Variants in SLC71A1 observed in about 807,000 individuals in gnomAD.
The protein encoded by SLC71A1 is solute carrier family 71 member 1, also known as hippocampus abundant gene transcript 1.
chr1:100,061,688 TATTTATGGAATA>T, the SLC71A1 span: 4 of 623,550 alleles, frequency 6.4e-6, no homozygotes, highest in Non-Finnish European at 1.1e-5. Context: ...CTGTGGCTTA[TATTTATGGAATA>T]GTTAATCCAT....
the SLC71A1 span, among the ~76,000 whole-genome samples, chr1:100,056,157 A>G: frequency 1.3e-5 from 2 of 152,096 alleles, no homozygotes; most frequent in Non-Finnish European, 2.9e-5. Flanking sequence ...CCCACTAACC[A>G]TCCTCTCTCC....
the SLC71A1 span, among the ~76,000 whole-genome samples, chr1:100,066,456 C>T: frequency 6.6e-6 from 1 of 152,210 alleles, no homozygotes; most frequent in African/African-American, 2.4e-5. Flanking sequence ...CCACAGGCTG[C>T]ACACATGGCC....
chr1:100,066,806 G>A, the SLC71A1 span, among the ~76,000 whole-genome samples: 6,773 of 151,910 alleles, frequency 0.045, 172 homozygotes, highest in African/African-American at 0.06. Flanking sequence ...TGGCTAACAC[G>A]GTGAAACCCC....
At chr1:100,077,412 TAA>T in the SLC71A1 span, 11 of 587,400 alleles carry the variant, frequency 1.9e-5, no homozygotes, top group East Asian at 3.5e-4. Flanking sequence ...GTGTCTAATA[TAA>T]GTCTGCCACT....
At chr1:100,061,436 T>G in the SLC71A1 span, among the ~76,000 whole-genome samples, 1 of 152,200 alleles carries the variant, frequency 6.6e-6, no homozygotes, top group East Asian at 1.9e-4. Flanking sequence ...ATGAAGAAAC[T>G]TGTTCCTCAG....
chr1:100,082,140 C>T, the SLC71A1 span: 4 of 1,614,186 alleles, frequency 2.5e-6, no homozygotes, highest in Non-Finnish European at 3.4e-6. Flanking sequence ...GTGGCAGTCA[C>T]AGCCATCCTC....
the SLC71A1 span, among the ~76,000 whole-genome samples, chr1:100,063,801 A>T: frequency 1.3e-5 from 2 of 152,090 alleles, no homozygotes; most frequent in Admixed American, 6.6e-5. Context: ...TCTCCAAAAA[A>T]GGGGGTTGGG....
At chr1:100,068,092 A>C in the SLC71A1 span, 1 of 1,614,036 alleles carries the variant, frequency 6.2e-7, no homozygotes, top group Non-Finnish European at 8.5e-7. Context: ...GCTTTGCTAG[A>C]TATTTGTTTT....
the SLC71A1 span, among the ~76,000 whole-genome samples, chr1:100,041,134 T>C: frequency 6.6e-6 from 1 of 152,258 alleles, no homozygotes; most frequent in Non-Finnish European, 1.5e-5. Context: ...ATGATTTTTC[T>C]GAAAATTAGA....
At chr1:100,058,772 C>T in the SLC71A1 span, 2 of 954,840 alleles carry the variant, frequency 2.1e-6, no homozygotes, top group Admixed American at 4.0e-5. Context: ...TACATACATA[C>T]ACATACACGC....
At chr1:100,038,980 T>G in the SLC71A1 span, among the ~76,000 whole-genome samples, 51 of 152,304 alleles carry the variant, frequency 3.3e-4, no homozygotes, top group Non-Finnish European at 5.9e-4. Flanking sequence ...CATCACTGTG[T>G]GTCTTAAGAT....
the SLC71A1 span, among the ~76,000 whole-genome samples, chr1:100,041,878 C>T: frequency 6.6e-6 from 1 of 151,188 alleles, no homozygotes; most frequent in Admixed American, 6.6e-5. Context: ...GAGCCTAGAT[C>T]ACGCCACTGC....
chr1:100,070,804 A>T, the SLC71A1 span, among the ~76,000 whole-genome samples: 1 of 152,026 alleles, frequency 6.6e-6, no homozygotes, highest in Non-Finnish European at 1.5e-5. Context: ...ACTTTTTCTC[A>T]CCTTAGATGT....
chr1:100,082,388 G>C, the SLC71A1 span: 1 of 580,202 alleles, frequency 1.7e-6, no homozygotes, highest in South Asian at 2.3e-5. Flanking sequence ...GTTTTCCAAA[G>C]ATGTTACAAT....
the SLC71A1 span, chr1:100,061,808 C>T: frequency 1.5e-6 from 2 of 1,365,438 alleles, no homozygotes; most frequent in Admixed American, 1.7e-5. Context: ...ATTGCTCTAA[C>T]CATTTCTTGT....
the SLC71A1 span, among the ~76,000 whole-genome samples, chr1:100,062,645 TG>T: frequency 7.9e-5 from 12 of 152,058 alleles, no homozygotes; most frequent in Non-Finnish European, 1.3e-4. Flanking sequence ...AAATACCTTG[TG>T]ATAAATAAGG....
chr1:100,059,916 T>C, the SLC71A1 span: 10 of 1,613,108 alleles, frequency 6.2e-6, no homozygotes, highest in Non-Finnish European at 8.5e-6. Context: ...TTATTGGTGC[T>C]CTTTCTGATG....
the SLC71A1 span, among the ~76,000 whole-genome samples, chr1:100,056,589 G>A: frequency 6.6e-6 from 1 of 152,144 alleles, no homozygotes; most frequent in Non-Finnish European, 1.5e-5. Context: ...CAGCCTGGGC[G>A]ACAAGAGCCC....
At chr1:100,062,477 T>G in the SLC71A1 span, among the ~76,000 whole-genome samples, 1 of 152,154 alleles carries the variant, frequency 6.6e-6, no homozygotes, top group African/African-American at 2.4e-5. Context: ...TGGACACTGT[T>G]TTGGTAAACT....
Sources: gnomAD v4.1 joint callset for allele counts (sites outside exome capture counted in the v4.1 genomes callset) on GRCh38, gnomAD v4.1.1 for gene constraint, MANE v1.5 for transcripts, NCBI Gene and HGNC (gene_info 2026-07-23, HGNC 2026-07-21) for gene names.